The following GRIP1 variants were observed in gnomAD, a reference collection of about 807,000 sequenced individuals.
GRIP1 encodes glutamate receptor-interacting protein 1.
A neutral mutation model predicts 129.9 loss-of-function variants in GRIP1; 45 were observed. The observed-to-expected ratio is 0.35, with a 90% CI of 0.27 to 0.44. The LOEUF (loss-of-function observed/expected upper bound fraction) is 0.44. Among genes scored for constraint, GRIP1 ranks in the 20% least tolerant of loss-of-function variants. The probability of loss-of-function intolerance (pLI) is 1.00; values close to 1 mark genes in which losing one functional copy is unlikely to be tolerated. For missense variants in GRIP1, 1,196 were observed against 1,396.8 expected, an observed-to-expected ratio of 0.86 and a Z score of 2.29; for synonymous variants, 530 against 520.8, an observed-to-expected ratio of 1.02 and a Z score of -0.24.
chr12:66,393,149 A>G (rs1421337461), intron 17 of GRIP1, among the ~76,000 whole-genome samples: 12 of 144,894 alleles, frequency 8.3e-5, no homozygotes, highest in African/African-American at 2.5e-4. Flanking sequence ...GATAGCATGG[A>G]GCATCCTTTC....
intron 1 of GRIP1, among the ~76,000 whole-genome samples, chr12:66,708,673 T>C (rs1405680020): frequency 1.3e-5 from 2 of 151,968 alleles, no homozygotes; most frequent in Non-Finnish European, 2.9e-5. Flanking sequence ...TATATGCATA[T>C]ACTTTTTTTA....
intron 1 of GRIP1, among the ~76,000 whole-genome samples, chr12:66,976,893 C>A (rs2042160922): frequency 6.6e-6 from 1 of 152,146 alleles, no homozygotes; most frequent in African/African-American, 2.4e-5. Flanking sequence ...TTTGTCCAAT[C>A]CTCAGATTCC....
intron 24 of GRIP1, among the ~76,000 whole-genome samples, chr12:66,351,900 G>T (rs1251999188): frequency 6.6e-6 from 1 of 152,162 alleles, no homozygotes; most frequent in African/African-American, 2.4e-5. Context: ...TGAACATTGG[G>T]ATACATTCTC....
rs564040595 is a variant in GRIP1 at position 66,373,156 on chromosome 12, C to G, written c.2779-1229G>C. 2.6e-5 allele frequency among the ~76,000 whole-genome samples: 4 copies of G among 152,170 alleles called. No homozygotes were observed. In the South Asian group the frequency reaches 8.3e-4, roughly 32 times the overall value. ...CCAGGCTGGGGTGCAGTGGTGTGAT[C>G]CTGGATCACTGCAACCTCTGCCTTC... On this transcript the variant is annotated intron_variant, in intron 22 of 24. Coordinates refer to ENST00000359742, the MANE Select transcript of GRIP1 (RefSeq NM_001366722.1).
chr12:66,454,580 CTTT>C (rs1295975619), intron 11 of GRIP1, among the ~76,000 whole-genome samples: 1 of 152,144 alleles, frequency 6.6e-6, no homozygotes, highest in African/African-American at 2.4e-5. Context: ...ATATTTCTTT[CTTT>C]TTAAGGCATT....
rs555171740 is a variant in GRIP1 at position 66,738,580 on chromosome 12, G to T, written c.-420+65473C>A. Among the ~76,000 whole-genome samples, 9 of 152,174 alleles carry T rather than the reference G, an allele frequency of 5.9e-5. No individual in the cohort carries two copies. In the South Asian group the frequency reaches 1.9e-3, roughly 32 times the overall value. On this transcript the variant is annotated intron_variant, in intron 1 of 4. Transcript: ENST00000538373. Reference sequence around the variant, plus strand: ...TGAAACCATCAGAGGATTTCAAGCAGGAAAAAGAGGTAAGGCCCATTGTTG... The same window carrying T: ...TGAAACCATCAGAGGATTTCAAGCATGAAAAAGAGGTAAGGCCCATTGTTG...
intron 1 of GRIP1, among the ~76,000 whole-genome samples, chr12:66,661,216 T>C (rs2033481685): frequency 6.6e-6 from 1 of 152,016 alleles, no homozygotes; most frequent in South Asian, 2.1e-4. Context: ...CCATCGCCAA[T>C]TTGAGAAATT....
intron 1 of GRIP1, among the ~76,000 whole-genome samples, chr12:66,677,570 A>G (rs1034655305): frequency 8.5e-5 from 13 of 152,186 alleles, no homozygotes; most frequent in Non-Finnish European, 1.8e-4. Flanking sequence ...TAAAGTCAAA[A>G]CAGAATTTAC....
chr12:66,571,686 A>G (rs2062965308), intron 2 of GRIP1, among the ~76,000 whole-genome samples: 1 of 152,224 alleles, frequency 6.6e-6, no homozygotes, highest in South Asian at 2.1e-4. Flanking sequence ...TTCCTAGGTG[A>G]AAAAGGACAT....
chr12:66,595,270 C>T (rs1000920373), intron 2 of GRIP1, among the ~76,000 whole-genome samples: 1 of 152,032 alleles, frequency 6.6e-6, no homozygotes, highest in Non-Finnish European at 1.5e-5. Flanking sequence ...TGCCACAAAC[C>T]AGGGATTATG....
chr12:66,761,598 T>G (rs577156572), intron 1 of GRIP1, among the ~76,000 whole-genome samples: 12 of 152,324 alleles, frequency 7.9e-5, no homozygotes, highest in Non-Finnish European at 1.6e-4. Flanking sequence ...AACTCTGCCA[T>G]GCATTATCTC....
At chr12:66,582,433 G>A (rs2063426639) in intron 2 of GRIP1, among the ~76,000 whole-genome samples, 1 of 149,192 alleles carries the variant, frequency 6.7e-6, no homozygotes, top group Non-Finnish European at 1.5e-5. Context: ...AGGAAATAAA[G>A]GGTATTCAAT....
intron 1 of GRIP1, among the ~76,000 whole-genome samples, chr12:66,910,255 G>A (rs2041006506): frequency 6.6e-6 from 1 of 152,130 alleles, no homozygotes; most frequent in African/African-American, 2.4e-5. Context: ...CTCCCCAGTT[G>A]TCATTCTCTC....
At chr12:66,508,136 C>T (rs572060377) in intron 7 of GRIP1, among the ~76,000 whole-genome samples, 5 of 152,290 alleles carry the variant, frequency 3.3e-5, no homozygotes, top group Non-Finnish European at 5.9e-5. Context: ...GAAAGATCCA[C>T]GATGTCATTG....
intron 1 of GRIP1, among the ~76,000 whole-genome samples, chr12:66,650,823 A>C (rs1230191593): frequency 6.6e-6 from 1 of 152,156 alleles, no homozygotes; most frequent in African/African-American, 2.4e-5. Context: ...TAGAAAGGTA[A>C]CACACAGTAG....
At chr12:66,787,810 T>C (rs943045825) in intron 1 of GRIP1, among the ~76,000 whole-genome samples, 1 of 152,132 alleles carries the variant, frequency 6.6e-6, no homozygotes, top group Non-Finnish European at 1.5e-5. Flanking sequence ...GCAGCCTGAA[T>C]GAACTAAGAT....
intron 5 of GRIP1, among the ~76,000 whole-genome samples, chr12:66,520,636 T>G (rs755280998): frequency 3.3e-5 from 5 of 152,204 alleles, no homozygotes; most frequent in African/African-American, 1.2e-4. Flanking sequence ...TACACACAGA[T>G]AGTGGAAATT....
At chr12:66,937,460 T>C (rs1465103895) in intron 1 of GRIP1, among the ~76,000 whole-genome samples, 1 of 152,200 alleles carries the variant, frequency 6.6e-6, no homozygotes, top group African/African-American at 2.4e-5. Flanking sequence ...GTTTAATAAA[T>C]ATTTGACATA....
At chr12:66,511,846 C>T (rs1300314007) in intron 7 of GRIP1, among the ~76,000 whole-genome samples, 1 of 152,054 alleles carries the variant, frequency 6.6e-6, no homozygotes, top group Non-Finnish European at 1.5e-5. Flanking sequence ...CTAATAAATT[C>T]CCTCCTTAGG....
Sources: gnomAD v4.1 joint callset for allele counts (sites outside exome capture counted in the v4.1 genomes callset) on GRCh38, gnomAD v4.1.1 for gene constraint, MANE v1.5 for transcripts, NCBI Gene and HGNC (gene_info 2026-07-23, HGNC 2026-07-21) for gene names.